Variants in CDKL5 observed in about 807,000 individuals in gnomAD.
CDKL5 encodes cyclin dependent kinase like 5.
In CDKL5, 8 loss-of-function variants were observed where a neutral mutation model predicts 61.7. That is an observed-to-expected ratio of 0.13 (90% CI 0.08 to 0.23). The LOEUF is 0.23. Among genes scored for constraint, CDKL5 ranks in the 10% least tolerant of loss-of-function variants. The probability of loss-of-function intolerance (pLI) is 1.00; values close to 1 mark genes in which losing one functional copy is unlikely to be tolerated. For synonymous variants in CDKL5, 275 were observed against 272.3 expected, an observed-to-expected ratio of 1.01 and a Z score of -0.10; for missense variants, 440 against 734.5, an observed-to-expected ratio of 0.60 and a Z score of 4.63.
At chrX:18,564,437 A>G in intron 3 of CDKL5, 40 bp from the exon 4 acceptor site, 1 of 1,065,429 alleles carries the variant, frequency 9.4e-7, no homozygotes, top group Non-Finnish European at 1.3e-6. Flanking sequence ...TCGGAAAAAC[A>G]CTGGAGAATG....
intron 2 of CDKL5, among the ~76,000 whole-genome samples, chrX:18,509,513 A>G (rs1355156950): frequency 9.0e-6 from 1 of 111,369 alleles, no homozygotes. Flanking sequence ...TCATAGATGA[A>G]TGCAGGCTTG....
intron 1 of CDKL5, among the ~76,000 whole-genome samples, chrX:18,453,174 A>G (rs1010410936): frequency 1.8e-5 from 2 of 111,433 alleles, no homozygotes; most frequent in Non-Finnish European, 3.8e-5. Context: ...TGGTCACACA[A>G]CTTTACTGTA....
chrX:18,520,234 A>C (rs1241290238), intron 3 of CDKL5, among the ~76,000 whole-genome samples: 2 of 112,201 alleles, frequency 1.8e-5, no homozygotes, highest in Admixed American at 9.4e-5. Context: ...CCCTGTACTC[A>C]CTATTTACCC....
chrX:18,491,816 GAT>G (rs889494128), intron 1 of CDKL5, among the ~76,000 whole-genome samples: 3 of 111,450 alleles, frequency 2.7e-5, no homozygotes. Flanking sequence ...ATGAAATGCT[GAT>G]TAGAGTACTG....
At chrX:18,618,544 C>T (rs1014219946) in intron 15 of CDKL5, among the ~76,000 whole-genome samples, 6 of 112,211 alleles carry the variant, frequency 5.3e-5, no homozygotes, top group African/African-American at 1.9e-4. Flanking sequence ...CTTTAAGCCC[C>T]ATGCAAGAGG....
intron 15 of CDKL5, among the ~76,000 whole-genome samples, chrX:18,618,982 T>G (rs1019649661): frequency 1.8e-5 from 2 of 110,551 alleles, no homozygotes; most frequent in Non-Finnish European, 3.8e-5. Context: ...AATAAATAAA[T>G]AAAAATAAAG....
intron 14 of CDKL5, among the ~76,000 whole-genome samples, chrX:18,612,663 AAAAAAG>A (rs1210933666): frequency 9.3e-6 from 1 of 108,012 alleles, no homozygotes; most frequent in African/African-American, 3.4e-5. Flanking sequence ...TAAAAAAAAA[AAAAAAG>A]AGAGAGAGAA....
At chrX:18,468,423 G>C (rs1356164787) in intron 1 of CDKL5, among the ~76,000 whole-genome samples, 1 of 112,274 alleles carries the variant, frequency 8.9e-6, no homozygotes, top group Non-Finnish European at 1.9e-5. Context: ...ATCATTAGTT[G>C]TATGTTTCTT....
rs1406578066 is a variant in CDKL5 at position 18,514,672 on chromosome X, A to T, written c.99+3818A>T. Among the ~76,000 whole-genome samples, 3 of 103,103 alleles carry T rather than the reference A, an allele frequency of 2.9e-5. No individual in the cohort carries two copies. The East Asian group carries it at 9.3e-4, about 32-fold the overall frequency. 89.5% of individuals were successfully genotyped at this position (103,103 alleles called of 115,157 possible). Reference sequence around the variant, plus strand: ...CAGTGAACCGATATCGCACCACTGCACTCCAGCCTGGGTGACAAGAGTGAA... The same window carrying T: ...CAGTGAACCGATATCGCACCACTGCTCTCCAGCCTGGGTGACAAGAGTGAA... On this transcript the variant is annotated intron_variant, in intron 3 of 17. Transcript: ENST00000623535.
chrX:18,426,259 C>A (rs1044105555), intron 1 of CDKL5: 1 of 113,111 alleles, frequency 8.8e-6, no homozygotes, highest in African/African-American at 3.2e-5. Context: ...CAACCTCCCC[C>A]GGACAAGTTT....
In CDKL5 at chrX:18,634,425, GT is replaced by G; in HGVS notation, c.*5674del. 1 of 754,352 alleles carries G rather than the reference GT, an allele frequency of 1.3e-6. No individual in the cohort carries two copies. The highest frequency in any genetic ancestry group is 1.6e-6 in the Non-Finnish European group (1 of 639,374). 62.2% of individuals were successfully genotyped at this position (754,352 alleles called of 1,213,427 possible). A position where few individuals can be genotyped will look rare whatever the true frequency, so the allele number is the denominator to read the frequency against. ...TTGTCCCTGTTGTGGGGACTAAAGTGTTTTTTGCCAGAATTGTCAAAAGCTC... is the reference window on the plus strand; with the variant it reads ...TTGTCCCTGTTGTGGGGACTAAAGTGTTTTTGCCAGAATTGTCAAAAGCTC... On this transcript the variant is annotated 3_prime_UTR_variant, in exon 18 of 18. Coordinates refer to ENST00000623535, the MANE Select transcript of CDKL5 (RefSeq NM_001323289.2).
rs1052734340 is a variant in CDKL5 at position 18,460,487 on chromosome X, TTTATTTATTTA to T, written c.-163+34806_-163+34816del. ...CCAAACCATATCAAGGTTCTTTTTA[TTTATTTATTTA>T]TTATTTATTTATTTTTTGGAGACAG... On this transcript the variant is annotated intron_variant, in intron 1 of 17. Coordinates refer to ENST00000623535, the MANE Select transcript of CDKL5 (RefSeq NM_001323289.2). 1.7e-4 allele frequency among the ~76,000 whole-genome samples: 19 copies of T among 111,010 alleles called. No homozygotes were observed. In the East Asian group the frequency reaches 2.3e-3, roughly 13 times the overall value.
intron 19 of CDKL5, chrX:18,645,876 A>G: frequency 9.7e-7 from 1 of 1,031,435 alleles, no homozygotes; most frequent in East Asian, 3.2e-5. Context: ...TCTCCCTTGC[A>G]ACTAGATGGG....
intron 11 of CDKL5, among the ~76,000 whole-genome samples, chrX:18,599,153 T>C (rs1926102729): frequency 8.9e-6 from 1 of 112,801 alleles, no homozygotes; most frequent in African/African-American, 3.2e-5. Context: ...GTAAAGTCAG[T>C]GATTAAAATT....
intron 20 of CDKL5, chrX:18,647,283 C>G (rs183092299): frequency 8.3e-7 from 1 of 1,210,581 alleles, no homozygotes; most frequent in South Asian, 1.8e-5. Flanking sequence ...TGATCTGGTC[C>G]GGTGTGACCT....
chrX:18,450,995 A>C (rs1156320346), intron 1 of CDKL5, among the ~76,000 whole-genome samples: 2 of 110,129 alleles, frequency 1.8e-5, no homozygotes, highest in African/African-American at 6.6e-5. Flanking sequence ...CCTCTGTGAG[A>C]GTAGTTATTA....
At chrX:18,531,714 T>C (rs1333592736) in intron 3 of CDKL5, among the ~76,000 whole-genome samples, 1 of 108,978 alleles carries the variant, frequency 9.2e-6, no homozygotes, top group African/African-American at 3.4e-5. Context: ...TTTCTTTTTT[T>C]TTTGAGATGG....
chrX:18,478,708 TTTG>T (rs1211813966), intron 1 of CDKL5, among the ~76,000 whole-genome samples: 90 of 107,814 alleles, frequency 8.3e-4, no homozygotes, highest in Middle Eastern at 4.8e-3. Context: ...AAATATATAT[TTTG>T]TTGTTGTTGT....
At chrX:18,551,119 T>A (rs977846609) in intron 3 of CDKL5, among the ~76,000 whole-genome samples, 2 of 112,300 alleles carry the variant, frequency 1.8e-5, no homozygotes, top group Admixed American at 1.9e-4. Context: ...GTTCTCTGAA[T>A]GTCTCATTTT....
Sources: allele counts gnomAD v4.1 joint callset (sites outside exome capture counted in the v4.1 genomes callset), GRCh38; gene constraint gnomAD v4.1.1; transcripts MANE v1.5; gene names NCBI Gene and HGNC (gene_info 2026-07-23, HGNC 2026-07-21).